PDE8B: variants seen among roughly 807,000 people sequenced by gnomAD.
PDE8B encodes the protein phosphodiesterase 8B.
PDE8B carries 26 observed loss-of-function variants against 101.3 expected under a neutral mutation model. The observed-to-expected ratio is 0.26, with a 90% confidence interval of 0.19 to 0.36. The LOEUF is 0.36. Ranked by LOEUF, PDE8B falls within the 10% of genes least tolerant of loss-of-function variation. PDE8B has a pLI of 1.00. For synonymous variants in PDE8B, 424 were observed against 429.3 expected, an observed-to-expected ratio of 0.99 and a Z score of 0.15; for missense variants, 810 against 1,163.1, an observed-to-expected ratio of 0.70 and a Z score of 4.42.
At chr5:77,364,196 T>C (rs1783685888) in intron 10 of PDE8B, among the ~76,000 whole-genome samples, 1 of 152,210 alleles carries the variant, frequency 6.6e-6, no homozygotes, top group African/African-American at 2.4e-5. Flanking sequence ...CATGCAGTAA[T>C]GTAAATGGAG....
chr5:77,241,529 G>A (rs1474744488), intron 1 of PDE8B, among the ~76,000 whole-genome samples: 1 of 152,176 alleles, frequency 6.6e-6, no homozygotes, highest in African/African-American at 2.4e-5. Context: ...ACTGAATCAT[G>A]CAGCAATCCT....
At chr5:77,365,159 A>G (rs1312213646) in intron 10 of PDE8B, among the ~76,000 whole-genome samples, 1 of 152,168 alleles carries the variant, frequency 6.6e-6, no homozygotes, top group Non-Finnish European at 1.5e-5. Flanking sequence ...AGTGGCTCCC[A>G]ACCTTGGCTG....
intron 10 of PDE8B, among the ~76,000 whole-genome samples, chr5:77,374,490 A>G (rs748049476): frequency 5.3e-5 from 8 of 152,122 alleles, no homozygotes; most frequent in Non-Finnish European, 1.0e-4. Context: ...CATTTTATTT[A>G]TCCATTGGTT....
upstream of PDE8B, among the ~76,000 whole-genome samples, chr5:77,208,095 T>G (rs1431576894): frequency 3.3e-5 from 5 of 152,228 alleles, no homozygotes; most frequent in East Asian, 5.8e-4. Context: ...ATTATTCTTA[T>G]TTTTTAATGT....
the PDE8B span, among the ~76,000 whole-genome samples, chr5:77,091,606 A>G: frequency 6.6e-6 from 1 of 152,196 alleles, no homozygotes; most frequent in African/African-American, 2.4e-5. Context: ...GTGCAACTGC[A>G]CTCCAGACTG....
In PDE8B at chr5:77,426,433, C is replaced by G. The variant is rs1378763013; in HGVS notation, c.2549-12C>G. 7 of 1,573,442 alleles carry G rather than the reference C, an allele frequency of 4.4e-6. No individual in the cohort carries two copies. Among genetic ancestry groups the G allele is most frequent in the Non-Finnish European group, 6.1e-6 (7 of 1,143,100 alleles). On this transcript the variant is annotated splice_polypyrimidine_tract_variant and intron_variant, in intron 21 of 21. Transcript: ENST00000264917. ...TTCACCGGTTTCTTTTGATTCTTTT[C>G]TGTCTTTGCAGCCTTTGCACATCTG...
chr5:77,420,730 A>AC (rs1179688307), intron 19 of PDE8B, among the ~76,000 whole-genome samples: 1 of 152,148 alleles, frequency 6.6e-6, no homozygotes, highest in Non-Finnish European at 1.5e-5. Context: ...CAGAAGACTT[A>AC]CAGGAGCAAG....
At chr5:77,350,874 T>C (rs1243888579) in intron 8 of PDE8B, among the ~76,000 whole-genome samples, 191 bp from the exon 9 acceptor site, 1 of 152,170 alleles carries the variant, frequency 6.6e-6, no homozygotes, top group Non-Finnish European at 1.5e-5. Context: ...TGGTGGTGGA[T>C]ATGTGGATCT....
the PDE8B span, among the ~76,000 whole-genome samples, chr5:77,127,991 T>C: frequency 6.6e-6 from 1 of 152,240 alleles, no homozygotes; most frequent in Non-Finnish European, 1.5e-5. Flanking sequence ...GGAGATCAAA[T>C]TCTTTTAACC....
chr5:77,318,470 G>A (rs1774322714), intron 2 of PDE8B, among the ~76,000 whole-genome samples: 1 of 152,168 alleles, frequency 6.6e-6, no homozygotes, highest in African/African-American at 2.4e-5. Context: ...CATCTTGCTG[G>A]CAGTGCAGCT....
intron 10 of PDE8B, among the ~76,000 whole-genome samples, chr5:77,389,561 A>G (rs981319656): frequency 2.0e-5 from 3 of 152,134 alleles, no homozygotes; most frequent in South Asian, 2.1e-4. Flanking sequence ...GACAAAGCAT[A>G]TAATACTGGA....
intron 1 of PDE8B, among the ~76,000 whole-genome samples, chr5:77,247,734 C>T (rs1200599396): frequency 6.6e-6 from 1 of 152,098 alleles, no homozygotes; most frequent in Admixed American, 6.5e-5. Flanking sequence ...TGTGTTCCTT[C>T]CCCCTCCCTG....
intron 1 of PDE8B, among the ~76,000 whole-genome samples, chr5:77,297,468 C>T (rs1305923586): frequency 6.6e-6 from 1 of 152,150 alleles, no homozygotes; most frequent in African/African-American, 2.4e-5. Flanking sequence ...CAATAGATCT[C>T]GGATGGGGCC....
intron 10 of PDE8B, among the ~76,000 whole-genome samples, chr5:77,361,696 A>G (rs1173032413): frequency 6.6e-6 from 1 of 151,928 alleles, no homozygotes; most frequent in African/African-American, 2.4e-5. Context: ...TTGTATTTTT[A>G]GTAGAGATAG....
intron 1 of PDE8B, among the ~76,000 whole-genome samples, chr5:77,286,635 G>A (rs1334027577): frequency 6.6e-6 from 1 of 152,144 alleles, no homozygotes; most frequent in African/African-American, 2.4e-5. Context: ...AGGGTTGGTG[G>A]TTATAGGAAT....
At position 77,399,100 on chromosome 5, in the gene PDE8B, C is replaced by G. The variant is rs375383500; in HGVS notation, c.1168-1148C>G. On this transcript the variant is annotated intron_variant, in intron 10 of 21. Transcript: ENST00000264917. ...TACCCACAGACCCAGCACTTACATACCAGAGGAAAGGAATGTGTAGGACAC... is the reference window on the plus strand; with the variant it reads ...TACCCACAGACCCAGCACTTACATAGCAGAGGAAAGGAATGTGTAGGACAC... 3.5e-4 allele frequency among the ~76,000 whole-genome samples: 54 copies of G among 152,262 alleles called. No individual in the cohort carries two copies. The East Asian group carries it at 5.4e-3, about 15-fold the overall frequency.
rs1326064206 is a variant in PDE8B at position 77,317,660 on chromosome 5, A to G, written c.399+5607A>G. Among the ~76,000 whole-genome samples the G allele has an allele frequency of 3.9e-5, 6 of 152,228 alleles. No homozygotes were observed. The East Asian group carries it at 1.2e-3, about 29-fold the overall frequency. On this transcript the variant is annotated intron_variant, in intron 2 of 21. Transcript: ENST00000264917. ...AGGCAGAGATTCAAATCAACATGAT[A>G]CTGTCTGAAAAATCAAGTGGCCTTT...
At chr5:77,216,600 C>T (rs1326471870) in intron 1 of PDE8B, among the ~76,000 whole-genome samples, 1 of 152,118 alleles carries the variant, frequency 6.6e-6, no homozygotes, top group Admixed American at 6.6e-5. Context: ...GGTAGGGACA[C>T]AGCCAAACCA....
the PDE8B span, among the ~76,000 whole-genome samples, chr5:77,136,477 CA>C: frequency 6.6e-6 from 1 of 152,160 alleles, no homozygotes; most frequent in Admixed American, 6.5e-5. Context: ...AATACAGGTC[CA>C]AGGACATTTA....
Sources: gnomAD v4.1 joint callset for allele counts (sites outside exome capture counted in the v4.1 genomes callset) on GRCh38, gnomAD v4.1.1 for gene constraint, MANE v1.5 for transcripts, NCBI Gene and HGNC (gene_info 2026-07-23, HGNC 2026-07-21) for gene names.